The following FILIP1L variants were observed in gnomAD, a reference collection of about 807,000 sequenced individuals.
The protein encoded by FILIP1L is filamin A-interacting protein 1-like.
Under a neutral mutation model 96.6 loss-of-function variants are expected in FILIP1L, and 55 were observed. That is an observed-to-expected ratio of 0.57 (90% CI 0.46 to 0.71). The LOEUF (loss-of-function observed/expected upper bound fraction) is 0.71, where lower values mean the gene tolerates loss of function less well. Among genes scored for constraint, FILIP1L ranks in the 30% least tolerant of loss-of-function variants. The pLI, the probability that FILIP1L is intolerant of heterozygous loss-of-function variation, is 0.00. For synonymous variants in FILIP1L, 467 were observed against 473.9 expected (o/e 0.99, Z 0.19); for missense variants, 1,304 against 1,321.2 (o/e 0.99, Z 0.20).
At chr3:99,919,044 A>T (rs1028857613) in intron 4 of FILIP1L, among the ~76,000 whole-genome samples, 2 of 152,034 alleles carry the variant, frequency 1.3e-5, no homozygotes, top group South Asian at 2.1e-4. Flanking sequence ...CTTTCAAAAT[A>T]TTTTTTTTAA....
intron 1 of FILIP1L, among the ~76,000 whole-genome samples, chr3:99,995,087 G>A (rs7640817): frequency 0.015 from 2,229 of 152,086 alleles, 53 homozygotes; most frequent in African/African-American, 0.052. Flanking sequence ...CCCAAAACGC[G>A]CAGTCCAAAG....
intron 1 of FILIP1L, among the ~76,000 whole-genome samples, chr3:100,015,020 T>C (rs991917060): frequency 6.6e-6 from 1 of 151,168 alleles, no homozygotes; most frequent in Non-Finnish European, 1.5e-5. Flanking sequence ...AGTTTTATAA[T>C]TTCAGGTTTT....
intron 1 of FILIP1L, among the ~76,000 whole-genome samples, chr3:99,979,402 T>C (rs1450473065): frequency 6.6e-6 from 1 of 152,226 alleles, no homozygotes; most frequent in Non-Finnish European, 1.5e-5. Flanking sequence ...AGAATGATTC[T>C]AAAGATGTTA....
intron 1 of FILIP1L, among the ~76,000 whole-genome samples, chr3:99,988,232 T>G (rs573335358): frequency 6.6e-6 from 1 of 150,706 alleles, no homozygotes; most frequent in Non-Finnish European, 1.5e-5. Flanking sequence ...GCGCAGTGCC[T>G]CACGCCTGTA....
Position 100,005,319 on chromosome 3 carries a change from G to C in FILIP1L, c.-10-74289C>G, listed in dbSNP as rs137995663. ...TTGACTACTGTCACTCAAACAGGCTGTCTTGAAAAAGGTGAAGCTGGGAGG... is the reference window on the plus strand; with the variant it reads ...TTGACTACTGTCACTCAAACAGGCTCTCTTGAAAAAGGTGAAGCTGGGAGG... On this transcript the variant is annotated intron_variant, in intron 1 of 5. Coordinates refer to ENST00000477258, the MANE Select transcript of FILIP1L (RefSeq NM_001387850.1). Among the ~76,000 whole-genome samples, 1,175 of 152,300 alleles carry C rather than the reference G, an allele frequency of 7.7e-3. 20 individuals carry two copies. The highest frequency in any genetic ancestry group is 0.026 in the African/African-American group (1,081 of 41,566).
chr3:99,853,139 G>A (rs1204163193), intron 4 of FILIP1L, among the ~76,000 whole-genome samples: 1 of 152,166 alleles, frequency 6.6e-6, no homozygotes, highest in Non-Finnish European at 1.5e-5. Flanking sequence ...AAATGGTCAT[G>A]GGACTTCTCA....
At chr3:99,990,446 A>G (rs541813395) in intron 1 of FILIP1L, among the ~76,000 whole-genome samples, 72 of 152,334 alleles carry the variant, frequency 4.7e-4, no homozygotes, top group Admixed American at 1.4e-3. Flanking sequence ...AGTGAACACT[A>G]AATGTTCAGC....
chr3:100,046,785 G>A lies in FILIP1L; in HGVS notation c.-11+67268C>T, dbSNP rs145325888. On this transcript the variant is annotated intron_variant, in intron 1 of 5. Coordinates refer to ENST00000477258, the MANE Select transcript of FILIP1L (RefSeq NM_001387850.1). ...AACCTGATAAGGCCAGGTCTGATTA[G>A]CCTTTGTATCTTCAATACCTCAGCC... 1.4e-4 allele frequency among the ~76,000 whole-genome samples: 22 copies of A among 152,288 alleles called. No individual in the cohort carries two copies. The East Asian group carries it at 4.1e-3, about 28-fold the overall frequency.
In FILIP1L at chr3:99,850,701, T is replaced by C. The variant is rs1454739887; in HGVS notation, c.975A>G (p.Gln325=). 1.1e-5 allele frequency: 17 copies of C among 1,614,194 alleles called. No homozygotes were observed. The highest frequency in any genetic ancestry group is 1.7e-5 in the Admixed American group (1 of 60,022). The part of the protein sequence containing the change: ...NEDSQNRQLQ[Q]KLAALSRQID... ...TCTGCCGGCTGAGTGCTGCCAGCTT[T>C]TGTTGAAGCTGGCGATTTTGACTGT... Residue 325 remains glutamine (Q), a synonymous_variant, in exon 5 of 6, where the codon CAA becomes CAG. Coordinates refer to ENST00000477258, the MANE Select transcript of FILIP1L (RefSeq NM_001387850.1).
rs151197490 is a variant in FILIP1L at position 99,831,055 on chromosome 3, A to G, written c.3382-450T>C. 6.7e-3 allele frequency among the ~76,000 whole-genome samples: 1,027 copies of G among 152,336 alleles called. 3 individuals carry two copies. Among genetic ancestry groups the G allele is most frequent in the African/African-American group, 8.6e-3 (357 of 41,572 alleles). On this transcript the variant is annotated intron_variant, in intron 5 of 5. Coordinates refer to ENST00000477258, the MANE Select transcript of FILIP1L (RefSeq NM_001387850.1). ...GAGATGGGCAGCTCCAATGATGATTAGTGGAACAGCTTGGTAGTATGTATC... is the reference window on the plus strand; with the variant it reads ...GAGATGGGCAGCTCCAATGATGATTGGTGGAACAGCTTGGTAGTATGTATC...
At chr3:99,982,921 T>A (rs1274019084) in intron 1 of FILIP1L, among the ~76,000 whole-genome samples, 1 of 152,156 alleles carries the variant, frequency 6.6e-6, no homozygotes, top group Non-Finnish European at 1.5e-5. Flanking sequence ...TGTTTTTTAG[T>A]CTGTTACATC....
chr3:99,979,330 A>T (rs1465698110), intron 1 of FILIP1L, among the ~76,000 whole-genome samples: 2 of 152,224 alleles, frequency 1.3e-5, no homozygotes, highest in Non-Finnish European at 2.9e-5. Flanking sequence ...CACTAAAAAG[A>T]TAAAAAGCTT....
intron 4 of FILIP1L, among the ~76,000 whole-genome samples, chr3:99,860,279 TC>T (rs1219716278): frequency 6.6e-6 from 1 of 152,182 alleles, no homozygotes; most frequent in African/African-American, 2.4e-5. Context: ...TCATTACTCT[TC>T]ATCACCTGAA....
At chr3:99,981,562 A>G (rs528812991) in intron 1 of FILIP1L, among the ~76,000 whole-genome samples, 1 of 152,330 alleles carries the variant, frequency 6.6e-6, no homozygotes, top group Admixed American at 6.5e-5. Flanking sequence ...GTGTATATCT[A>G]TATACCTATA....
At chr3:99,851,105 G>A (rs1943674498) in intron 4 of FILIP1L, 35 bp from the exon 5 acceptor site, 2 of 1,503,590 alleles carry the variant, frequency 1.3e-6, no homozygotes, top group Non-Finnish European at 1.8e-6. Flanking sequence ...TTTTGTGATT[G>A]ATGCTTTAGT....
intron 1 of FILIP1L, chr3:100,023,578 A>T (rs539083491): frequency 2.0e-4 from 30 of 152,730 alleles, no homozygotes; most frequent in African/African-American, 7.2e-4. Flanking sequence ...TTTTGTAAAC[A>T]GATCTGGCTT....
At position 100,089,712 on chromosome 3, in the gene FILIP1L, G is replaced by C. The variant is rs1487720116; in HGVS notation, c.-11+24341C>G. The stretch of plus-strand genomic sequence containing the variant: ...ATAAATACAAATTTCATAGGCATTT[G>C]TATGAAGTAAGAATTCATTGCTCGT... On this transcript the variant is annotated intron_variant, in intron 1 of 5. Coordinates refer to ENST00000477258, the MANE Select transcript of FILIP1L (RefSeq NM_001387850.1). Among the ~76,000 whole-genome samples the C allele has an allele frequency of 2.0e-5, 3 of 152,186 alleles. No individual in the cohort carries two copies. In the East Asian group the frequency reaches 5.8e-4, roughly 29 times the overall value.
At chr3:100,059,573 T>C (rs1419010428) in intron 1 of FILIP1L, among the ~76,000 whole-genome samples, 1 of 151,800 alleles carries the variant, frequency 6.6e-6, no homozygotes, top group Non-Finnish European at 1.5e-5. Context: ...AGTTCAGAGG[T>C]TGAAGATTCA....
intron 1 of FILIP1L, among the ~76,000 whole-genome samples, chr3:99,940,934 G>A (rs1707832198): frequency 6.6e-6 from 1 of 152,220 alleles, no homozygotes; most frequent in Admixed American, 6.5e-5. Context: ...TTGTAGAGAA[G>A]ATGTTGCAAC....
Sources: gnomAD v4.1 joint callset for allele counts (sites outside exome capture counted in the v4.1 genomes callset) on GRCh38, gnomAD v4.1.1 for gene constraint, MANE v1.5 for transcripts, NCBI Gene and HGNC (gene_info 2026-07-23, HGNC 2026-07-21) for gene names.